The following IFI44L variants were observed in gnomAD, a reference collection of about 807,000 sequenced individuals.
The protein encoded by IFI44L is interferon-induced protein 44-like.
IFI44L carries 40 observed loss-of-function variants against 39.3 expected under a neutral mutation model. The ratio of observed to expected loss-of-function variants is 1.02; its 90% confidence interval spans 0.79 to 1.33. IFI44L has a LOEUF of 1.33. Among genes scored for constraint, IFI44L ranks in the 40% most tolerant of loss-of-function variants. The probability of loss-of-function intolerance (pLI) is 0.00; values close to 1 mark genes in which losing one functional copy is unlikely to be tolerated. For synonymous variants in IFI44L, 198 were observed against 182.3 expected, an observed-to-expected ratio of 1.09 and a Z score of -0.69; for missense variants, 623 against 549.0, an observed-to-expected ratio of 1.13 and a Z score of -1.35.
intron 7 of IFI44L, 139 bp from the exon 8 acceptor site, chr1:78,641,296 T>A: frequency 1.1e-6 from 1 of 884,250 alleles, no homozygotes; most frequent in Non-Finnish European, 1.7e-6. Context: ...AAAACTGCAA[T>A]GATCTGAATT....
At position 78,641,836 on chromosome 1, in the gene IFI44L, G is replaced by A. The variant is rs925320787; in HGVS notation, c.*27G>A. 1 of 1,610,342 alleles carries A rather than the reference G, an allele frequency of 6.2e-7. No homozygotes were observed. The highest frequency in any genetic ancestry group is 1.7e-5 in the Admixed American group (1 of 59,980). ...ATAAGTTGCCTTGATTCTGACATTT[G>A]GCCCAGCCTGTACTGGTGTGCCGCA... is the stretch of plus-strand genomic sequence containing the variant. On this transcript the variant is annotated 3_prime_UTR_variant, in exon 9 of 9. Coordinates refer to ENST00000370751, the MANE Select transcript of IFI44L (RefSeq NM_006820.4).
At chr1:78,620,961 G>C (rs909587260) in intron 1 of IFI44L, 1 of 152,166 alleles carries the variant, frequency 6.6e-6, no homozygotes, top group Non-Finnish European at 1.5e-5. Flanking sequence ...GTGTGAGTGA[G>C]AACATCACAG....
rs766199525 is a variant in IFI44L at position 78,629,740 on chromosome 1, C to G, written c.548C>G (p.Ala183Gly). The change falls in exon 4 of 9, where the codon GCA becomes GGA. Residue 183 changes from alanine to glycine, a missense_variant. Coordinates refer to ENST00000370751, the MANE Select transcript of IFI44L (RefSeq NM_006820.4). ...KAREHRNRLLADIRDYRPYAD... is the reference protein window; with the variant it reads ...KAREHRNRLLGDIRDYRPYAD... ...AACAGGCACAGAAATAGGCTTCTAG[C>G]AGACATCAGAGACTATAGGCCCTAT... 3 of 1,611,600 alleles carry G rather than the reference C, an allele frequency of 1.9e-6. No individual in the cohort carries two copies. Among genetic ancestry groups the G allele is most frequent in the East Asian group, 4.5e-5 (2 of 44,820 alleles).
Position 78,646,047 on chromosome 1 carries a change from T to TA in IFI44L, c.*4241dup, listed in dbSNP as rs1242538584. The TA allele has an allele frequency of 1.8e-4, 28 of 152,264 alleles. No individual in the cohort carries two copies. The highest frequency in any genetic ancestry group is 1.3e-4 in the Admixed American group (2 of 15,294). 9.4% of individuals were successfully genotyped at this position (152,264 alleles called of 1,614,324 possible). A position where few individuals can be genotyped will look rare whatever the true frequency, so the allele number is the denominator to read the frequency against. ...ACAAGCTGTGCTAAATAATTACGTG[T>TA]AAATATATTTTTTCATTTTTAAAAA... On this transcript the variant is annotated 3_prime_UTR_variant, in exon 9 of 9. Transcript: ENST00000370751.
intron 4 of IFI44L, among the ~76,000 whole-genome samples, chr1:78,630,539 T>C (rs1652711975): frequency 3.9e-5 from 6 of 152,188 alleles, no homozygotes; most frequent in Admixed American, 3.9e-4. Flanking sequence ...CTTTTCAATG[T>C]TATCATGCAC....
In IFI44L at chr1:78,637,167, A is replaced by G. The variant is rs1431354340; in HGVS notation, c.1012A>G (p.Lys338Glu). ...IDNLYSKMLAKVKQVHKEVLN... is the reference protein window; with the variant it reads ...IDNLYSKMLAEVKQVHKEVLN... ...CAATCTCTACTCTAAAATGTTGGCA[A>G]AAGTGAAGCAAGTTCACAAAGAAGT... Residue 338 changes from lysine to glutamate, a missense_variant, in exon 6 of 9, where the codon AAA (lysine) becomes GAA (glutamate). By Grantham distance (56) the Lys-to-Glu change is moderately conservative. Transcript: ENST00000370751. The G allele has an allele frequency of 6.2e-7, 1 of 1,608,782 alleles. No homozygotes were observed. Among genetic ancestry groups the G allele is most frequent in the Non-Finnish European group, 8.5e-7 (1 of 1,178,258 alleles).
intron 4 of IFI44L, among the ~76,000 whole-genome samples, chr1:78,633,192 T>TCC (rs1652817872): frequency 6.6e-6 from 1 of 152,172 alleles, no homozygotes; most frequent in South Asian, 2.1e-4. Flanking sequence ...GAGAGAACTG[T>TCC]CATCTGCTTT....
chr1:78,630,850 C>G (rs1033045802), intron 4 of IFI44L, among the ~76,000 whole-genome samples: 1 of 151,780 alleles, frequency 6.6e-6, no homozygotes, highest in South Asian at 2.1e-4. Flanking sequence ...TCTCAGAAGC[C>G]GTGGCAAGGT....
chr1:78,624,853 G>T lies in IFI44L; in HGVS notation c.-10-3053G>T, dbSNP rs1272312806. 2.6e-5 allele frequency among the ~76,000 whole-genome samples: 4 copies of T among 152,224 alleles called. No homozygotes were observed. In the East Asian group the frequency reaches 7.7e-4, roughly 29 times the overall value. ...ATGTCCTTCATAGCCTGTTATGACA[G>T]GTTTTGATTTAATGTCTATTTTGTG... On this transcript the variant is annotated intron_variant, in intron 1 of 8. Coordinates refer to ENST00000370751, the MANE Select transcript of IFI44L (RefSeq NM_006820.4).
Position 78,628,227 on chromosome 1 carries a change from AC to A in IFI44L, c.314del (p.Pro105GlnfsTer28). On this transcript the variant is annotated frameshift_variant, in exon 2 of 9. Coordinates refer to ENST00000370751, the MANE Select transcript of IFI44L (RefSeq NM_006820.4). LOFTEE classifies it high-confidence loss of function. ...EIETLLLNTA[P>X]KIIDEQLVCR... The stretch of plus-strand genomic sequence containing the variant: ...TAGAAACTTTACTCTTAAATACAGC[AC>A]CAAAAATTATTGATGAGCAACTGGT... 6 of 1,612,674 alleles carry A rather than the reference AC, an allele frequency of 3.7e-6. No individual in the cohort carries two copies. The highest frequency in any genetic ancestry group is 5.1e-6 in the Non-Finnish European group (6 of 1,179,356).
intron 1 of IFI44L, 63 bp from the exon 2 acceptor site, chr1:78,627,843 A>G (rs1233306143): frequency 1.1e-6 from 1 of 943,068 alleles, no homozygotes; most frequent in Non-Finnish European, 1.4e-6. Context: ...GTAGAAGTGG[A>G]AACCTAAGCT....
Position 78,645,504 on chromosome 1 carries a change from T to G in IFI44L, c.*3695T>G, listed in dbSNP as rs1024187181. 1 of 152,190 alleles carries G rather than the reference T, an allele frequency of 6.6e-6. No homozygotes were observed. The highest frequency in any genetic ancestry group is 2.4e-5 in the African/African-American group (1 of 41,442). 9.4% of individuals were successfully genotyped at this position (152,190 alleles called of 1,614,324 possible). ...CAAGACAGGTCTACAATTAATTTAT[T>G]TTGACGCAAATTGATAGGGGGGCCA... On this transcript the variant is annotated 3_prime_UTR_variant, in exon 9 of 9. Coordinates refer to ENST00000370751, the MANE Select transcript of IFI44L (RefSeq NM_006820.4).
chr1:78,624,969 C>T (rs1333969), intron 1 of IFI44L, among the ~76,000 whole-genome samples: 28,412 of 151,910 alleles, frequency 0.19, 3,307 homozygotes, highest in Middle Eastern at 0.27. Context: ...TGATTTTCAT[C>T]CTATGTGTGT....
At chr1:78,634,458 A>G (rs1254109845) in intron 4 of IFI44L, among the ~76,000 whole-genome samples, 3 of 152,136 alleles carry the variant, frequency 2.0e-5, no homozygotes, top group African/African-American at 7.2e-5. Context: ...AAACAAACCC[A>G]TCCAATTGAG....
At position 78,628,216 on chromosome 1, in the gene IFI44L, T is replaced by G. The variant is rs776138179; in HGVS notation, c.301T>G (p.Leu101Val). 1.2e-6 allele frequency: 2 copies of G among 1,612,750 alleles called. No individual in the cohort carries two copies. Among genetic ancestry groups the G allele is most frequent in the African/African-American group, 2.7e-5 (2 of 74,876 alleles). Residue 101 changes from leucine to valine, a missense_variant, in exon 2 of 9, where the codon TTA becomes GTA. By Grantham distance (32) the Leu-to-Val change is conservative (BLOSUM62 1). Coordinates refer to ENST00000370751, the MANE Select transcript of IFI44L (RefSeq NM_006820.4). ...NDTTEIETLL[L>V]NTAPKIIDEQ... The stretch of plus-strand genomic sequence containing the variant: ...CACCACTGAAATAGAAACTTTACTC[T>G]TAAATACAGCACCAAAAATTATTGA...
chr1:78,623,360 G>A (rs1652348800), intron 1 of IFI44L, among the ~76,000 whole-genome samples: 2 of 144,478 alleles, frequency 1.4e-5, no homozygotes, highest in African/African-American at 5.2e-5. Context: ...ACTATGTTGA[G>A]GTAATTTCCT....
chr1:78,629,213 T>C lies in IFI44L; in HGVS notation c.527+214T>C, dbSNP rs1421052847. Among the ~76,000 whole-genome samples, 3 of 152,174 alleles carry C rather than the reference T, an allele frequency of 2.0e-5. No homozygotes were observed. The East Asian group carries it at 5.8e-4, about 29-fold the overall frequency. On this transcript the variant is annotated intron_variant, in intron 3 of 8. Transcript: ENST00000370751. Reference sequence around the variant, plus strand: ...TGACCAATTTGACTTCATTTCCACTTTAGACCAAAATTTTCCAGGTAGGGT... The same window carrying C: ...TGACCAATTTGACTTCATTTCCACTCTAGACCAAAATTTTCCAGGTAGGGT...
chr1:78,631,736 G>A (rs1017307113), intron 4 of IFI44L: 7 of 152,148 alleles, frequency 4.6e-5, no homozygotes, highest in East Asian at 3.9e-4. Flanking sequence ...TTGGGTTCCC[G>A]GAGACATTTT....
At position 78,621,417 on chromosome 1, in the gene IFI44L, G is replaced by A. The variant is rs576820524; in HGVS notation, c.-11+846G>A. Among the ~76,000 whole-genome samples the A allele has an allele frequency of 1.6e-3, 237 of 152,116 alleles. 2 individuals are homozygous for A. Among genetic ancestry groups the A allele is most frequent in the African/African-American group, 4.9e-3 (204 of 41,518 alleles). On this transcript the variant is annotated intron_variant, in intron 1 of 8. Coordinates refer to ENST00000370751, the MANE Select transcript of IFI44L (RefSeq NM_006820.4). ...CTCCCAAGTACCTGGGATTACAGGC[G>A]TGCACCAGCATGCCTGGCTAATTTT...
Sources: gnomAD v4.1 joint callset for allele counts (sites outside exome capture counted in the v4.1 genomes callset) on GRCh38, gnomAD v4.1.1 for gene constraint, MANE v1.5 for transcripts, NCBI Gene and HGNC (gene_info 2026-07-23, HGNC 2026-07-21) for gene names.